Variants in MSI1 observed in about 807,000 individuals in gnomAD.
MSI1 encodes the protein RNA-binding protein Musashi homolog 1.
In MSI1, 15 loss-of-function variants were observed where a neutral mutation model predicts 54.4. The ratio of observed to expected loss-of-function variants is 0.28; its 90% CI spans 0.18 to 0.42. The LOEUF (loss-of-function observed/expected upper bound fraction) is 0.42. Among genes scored for constraint, MSI1 ranks in the 20% least tolerant of loss-of-function variants. The pLI, the probability that MSI1 is intolerant of heterozygous loss-of-function variation, is 1.00. For synonymous variants in MSI1, 200 were observed against 196.5 expected, an observed-to-expected ratio of 1.02 and a Z score of -0.15; for missense variants, 304 against 506.0, an observed-to-expected ratio of 0.60 and a Z score of 3.83.
intron 9 of MSI1, among the ~76,000 whole-genome samples, chr12:120,356,337 C>T (rs1444421980): frequency 6.6e-6 from 1 of 152,116 alleles, no homozygotes; most frequent in Non-Finnish European, 1.5e-5. Flanking sequence ...AACACTTTTC[C>T]CCTTCCCGTC....
chr12:120,360,678 C>T (rs1425924757), intron 6 of MSI1, among the ~76,000 whole-genome samples: 7 of 152,288 alleles, frequency 4.6e-5, no homozygotes, highest in Middle Eastern at 6.8e-3. Context: ...TTGGGTAGGA[C>T]GGGCCTGAGC....
chr12:120,358,907 T>C, intron 7 of MSI1, 98 bp downstream of exon 7: 8 of 1,336,406 alleles, frequency 6.0e-6, no homozygotes, highest in East Asian at 2.5e-5. Flanking sequence ...TCCTGGGGGA[T>C]AGGATGTCAG....
chr12:120,368,333 T>G lies in MSI1; in HGVS notation c.101-60A>C, dbSNP rs1433589735. On this transcript the variant is annotated intron_variant, in intron 2 of 14. Coordinates refer to ENST00000257552, the MANE Select transcript of MSI1 (RefSeq NM_002442.4). This position sits in a 1 kb window ranked among gnomAD's most constrained non-coding sequence, Gnocchi z 6.6. ...GCCCCGCGCCCTTCCCCCCCCCCCG[T>G]CCTTTGCCCCCGGTGACCCCGGAGC... 6.1e-6 allele frequency: 8 copies of G among 1,320,862 alleles called. No homozygotes were observed. The highest frequency in any genetic ancestry group is 2.4e-4 in the Middle Eastern group (1 of 4,128). The allele number at this position is 1,320,862 out of a possible 1,614,324, so 81.8% of individuals were successfully genotyped here. A position where few individuals can be genotyped will look rare whatever the true frequency, so the allele number is the denominator to read the frequency against.
chr12:120,350,691 C>T (rs1486883141), intron 11 of MSI1, among the ~76,000 whole-genome samples: 2 of 152,208 alleles, frequency 1.3e-5, no homozygotes, highest in Non-Finnish European at 2.9e-5. Flanking sequence ...CGCAGCTGAG[C>T]TGGCTGGCCC....
rs912821098 is a variant in MSI1, at chr12:120,345,983, C to A, written c.1047+152G>T. On this transcript the variant is annotated intron_variant, in intron 13 of 14. Transcript: ENST00000257552. ...TAAGTGCCCACTGAATGAATGATAA[C>A]CCCCACAACTCTTCCTTAGTGATCT... 4.5e-5 allele frequency: 34 copies of A among 757,534 alleles called. No individual in the cohort carries two copies. The African/African-American group carries it at 5.3e-4, about 12-fold the overall frequency. 46.9% of individuals were successfully genotyped at this position (757,534 alleles called of 1,614,324 possible).
chr12:120,345,406 G>A (rs1874027187), intron 14 of MSI1, among the ~76,000 whole-genome samples, 164 bp downstream of exon 14: 1 of 152,100 alleles, frequency 6.6e-6, no homozygotes, highest in Non-Finnish European at 1.5e-5. Context: ...AATGGAGTAG[G>A]GTGAGCAGCT....
chr12:120,361,548 G>C (rs1013562720), intron 6 of MSI1: 4 of 151,816 alleles, frequency 2.6e-5, no homozygotes, highest in Non-Finnish European at 5.9e-5. Flanking sequence ...GTCCTTAATA[G>C]GCTTTGGTCT....
intron 11 of MSI1, among the ~76,000 whole-genome samples, chr12:120,350,387 G>T (rs575568808): frequency 6.6e-6 from 1 of 152,204 alleles, no homozygotes; most frequent in East Asian, 1.9e-4. Flanking sequence ...GACAACTAGT[G>T]GCCAAACTCT....
At chr12:120,354,397 C>T (rs530469361) in intron 9 of MSI1, among the ~76,000 whole-genome samples, 1 of 152,016 alleles carries the variant, frequency 6.6e-6, no homozygotes, top group Non-Finnish European at 1.5e-5. Flanking sequence ...AGCCTCTTAA[C>T]CACCGATCTC....
intron 11 of MSI1, among the ~76,000 whole-genome samples, chr12:120,349,530 G>A (rs560024249): frequency 2.2e-4 from 34 of 152,142 alleles, no homozygotes; most frequent in African/African-American, 6.0e-4. Context: ...CACCACCCCC[G>A]GCCTGTTTAC....
At position 120,347,617 on chromosome 12, in the gene MSI1, T is replaced by C. The variant is rs1874247369; in HGVS notation, c.791-103A>G. 22 of 1,402,318 alleles carry C rather than the reference T, an allele frequency of 1.6e-5. No homozygotes were observed. In the South Asian group the frequency reaches 2.5e-4, roughly 16 times the overall value. The allele number at this position is 1,402,318 out of a possible 1,614,324, so 86.9% of individuals were successfully genotyped here. A position where few individuals can be genotyped will look rare whatever the true frequency, so the allele number is the denominator to read the frequency against. ...AGAGCCTGTCCAGCCTGGCCCTACC[T>C]CAGAGGGTTCCATGTAGCCCCAGGG... is the stretch of plus-strand genomic sequence containing the variant. On this transcript the variant is annotated intron_variant, in intron 11 of 14. Coordinates refer to ENST00000257552, the MANE Select transcript of MSI1 (RefSeq NM_002442.4).
At chr12:120,358,581 G>C (rs971835613) in intron 7 of MSI1, among the ~76,000 whole-genome samples, 5 of 152,336 alleles carry the variant, frequency 3.3e-5, no homozygotes, top group Middle Eastern at 3.4e-3. Flanking sequence ...ACACGCACAC[G>C]GTGTGGCCCA....
At chr12:120,348,065 G>A (rs896154733) in intron 11 of MSI1, among the ~76,000 whole-genome samples, 4 of 152,030 alleles carry the variant, frequency 2.6e-5, no homozygotes, top group African/African-American at 9.7e-5. Flanking sequence ...ACCTTCTGCT[G>A]CCTGTCCTGC....
At position 120,347,377 on chromosome 12, in the gene MSI1, TC is replaced by T. The variant is rs1261120978; in HGVS notation, c.859+68del. On this transcript the variant is annotated intron_variant, in intron 12 of 14. Coordinates refer to ENST00000257552, the MANE Select transcript of MSI1 (RefSeq NM_002442.4). ...CTGCAAAGGGGTGGCAGTGGCCTTC[TC>T]CCCTCCCCTGGACTTCTCTGCTCCC... 8 of 1,569,356 alleles carry T rather than the reference TC, an allele frequency of 5.1e-6. No homozygotes were observed. The African/African-American group carries it at 1.1e-4, about 21-fold the overall frequency.
At chr12:120,340,656 C>T (rs1357708239), downstream of MSI1, among the ~76,000 whole-genome samples, 1 of 151,922 alleles carries the variant, frequency 6.6e-6, no homozygotes, top group African/African-American at 2.4e-5. Flanking sequence ...GCTGGGACCA[C>T]AGGCTTGTGC....
intron 13 of MSI1, 98 bp downstream of exon 13, chr12:120,346,037 T>G: frequency 9.0e-7 from 1 of 1,114,774 alleles, no homozygotes; most frequent in Non-Finnish European, 1.2e-6. Flanking sequence ...TCACCCTCCT[T>G]TTGCCCCCAG....
rs1876212424 is a variant in MSI1 at position 120,368,921 on chromosome 12, C to A, written c.60-48G>T. 1 of 1,342,780 alleles carries A rather than the reference C, an allele frequency of 7.4e-7. No individual in the cohort carries two copies. Among genetic ancestry groups the A allele is most frequent in the Admixed American group, 2.7e-5 (1 of 37,364 alleles). The allele number at this position is 1,342,780 out of a possible 1,614,324, so 83.2% of individuals were successfully genotyped here. ...AAGGGCCCGCGTGAGCGCCGGGCGC[C>A]AGGGCGCAGGGGGCGCGGGCCCGGG... is the stretch of plus-strand genomic sequence containing the variant. On this transcript the variant is annotated intron_variant, in intron 1 of 14. Coordinates refer to ENST00000257552, the MANE Select transcript of MSI1 (RefSeq NM_002442.4). The surrounding 1 kb of genome is among the most constrained non-coding windows in gnomAD (Gnocchi z 6.6).
intron 4 of MSI1, among the ~76,000 whole-genome samples, chr12:120,367,133 AG>A (rs1321759525): frequency 6.6e-6 from 1 of 152,094 alleles, no homozygotes. Context: ...CTTGGGCACA[AG>A]CAGCTATTGT....
chr12:120,353,022 C>T (rs571555991), intron 10 of MSI1, among the ~76,000 whole-genome samples: 1 of 151,248 alleles, frequency 6.6e-6, no homozygotes, highest in Non-Finnish European at 1.5e-5. Flanking sequence ...ACCCTGGAGT[C>T]GGGTGGGGAG....
Sources: gnomAD v4.1 joint callset for allele counts (sites outside exome capture counted in the v4.1 genomes callset) on GRCh38, gnomAD v4.1.1 for gene constraint, Gnocchi (gnomAD v3.1) non-coding constraint, MANE v1.5 for transcripts, NCBI Gene and HGNC (gene_info 2026-07-23, HGNC 2026-07-21) for gene names.